CLTCL1: variants seen among roughly 807,000 people sequenced by gnomAD.
CLTCL1 encodes the protein clathrin heavy chain 2.
A neutral mutation model predicts 190.0 loss-of-function variants in CLTCL1; 159 were observed. That is an observed-to-expected ratio of 0.84 (90% CI 0.74 to 0.95). The LOEUF is 0.95. Among genes scored for constraint, CLTCL1 ranks in the 40% least tolerant of loss-of-function variants. The pLI, the probability that CLTCL1 is intolerant of heterozygous loss-of-function variation, is 0.00. For synonymous variants in CLTCL1, 752 were observed against 769.6 expected (o/e 0.98, Z 0.38); for missense variants, 1,878 against 2,033.4 (o/e 0.92, Z 1.47).
chr22:19,282,588 C>T (rs1191845782), intron 1 of CLTCL1, among the ~76,000 whole-genome samples: 1 of 150,676 alleles, frequency 6.6e-6, no homozygotes, highest in African/African-American at 2.4e-5. Flanking sequence ...AGGATCACTC[C>T]ACTGCACTCC....
chr22:19,201,258 GCAGAACGCAAAGGA>G (rs1262892212), intron 23 of CLTCL1, 57 bp downstream of exon 23: 1 of 1,501,610 alleles, frequency 6.7e-7, no homozygotes, highest in East Asian at 2.5e-5. Context: ...AGAGTACCGA[GCAGAACGCAAAGGA>G]CACGGAGAGC....
chr22:19,291,134 T>G (rs1555993176), intron 1 of CLTCL1, among the ~76,000 whole-genome samples: 2 of 152,138 alleles, frequency 1.3e-5, no homozygotes, highest in African/African-American at 4.8e-5. Flanking sequence ...CCTGAGAAAT[T>G]TTTCTCTTGG....
At chr22:19,272,443 A>AT (rs1289550881) in intron 2 of CLTCL1, among the ~76,000 whole-genome samples, 4 of 151,444 alleles carry the variant, frequency 2.6e-5, no homozygotes, top group South Asian at 2.1e-4. Flanking sequence ...GTCCCTTTTA[A>AT]TTTTTTTTTG....
intron 1 of CLTCL1, among the ~76,000 whole-genome samples, chr22:19,282,148 G>A (rs1436010692): frequency 6.6e-6 from 1 of 152,024 alleles, no homozygotes; most frequent in Non-Finnish European, 1.5e-5. Context: ...GGCCAATATG[G>A]TGAAACCCCG....
At chr22:19,210,620 T>C (rs184712750) in intron 19 of CLTCL1, 111 bp from the exon 20 acceptor site, 3 of 729,750 alleles carry the variant, frequency 4.1e-6, no homozygotes, top group Non-Finnish European at 6.6e-6. Context: ...AAGTAATTAA[T>C]ATACACACAC....
chr22:19,216,956 C>G (rs9989954), intron 18 of CLTCL1, among the ~76,000 whole-genome samples: 9 of 152,182 alleles, frequency 5.9e-5, no homozygotes, highest in African/African-American at 2.2e-4. Flanking sequence ...GGGTGGGCAA[C>G]AGCCGTGTAT....
chr22:19,220,594 T>G (rs2085535957), intron 17 of CLTCL1, among the ~76,000 whole-genome samples: 1 of 152,228 alleles, frequency 6.6e-6, no homozygotes, highest in Non-Finnish European at 1.5e-5. Context: ...TGTTCTAGCG[T>G]GTGCAGCACT....
intron 3 of CLTCL1, chr22:19,249,966 TA>T: frequency 2.5e-6 from 1 of 398,122 alleles, no homozygotes; most frequent in Non-Finnish European, 5.0e-6. Context: ...TGAATACAAA[TA>T]AATGGGCCGG....
chr22:19,183,104 T>C (rs2084195410), intron 30 of CLTCL1: 1 of 414,460 alleles, frequency 2.4e-6, no homozygotes, highest in African/African-American at 2.0e-5. Flanking sequence ...GCACGCCTGT[T>C]GTGCTCCTAG....
rs1555944840 is a variant in CLTCL1, at chr22:19,209,015, G to A, written c.3349C>T (p.Gln1117Ter). The change falls in exon 21 of 33, where the codon CAG becomes TAG. Residue 1117 changes from glutamine to a stop codon, truncating the protein, a stop_gained. Transcript: ENST00000427926. LOFTEE classifies it high-confidence loss of function. ...VWSQLAQAQL[Q>*]KDLVKEAINS... ...ATGGCTTCCTTCACCAAATCTTTCT[G>A]GAGCTGGGCTTGGGCCAGCTGACTC... 6.2e-7 allele frequency: 1 copy of A among 1,611,422 alleles called. No homozygotes were observed. Among genetic ancestry groups the A allele is most frequent in the African/African-American group, 1.3e-5 (1 of 74,886 alleles).
intron 29 of CLTCL1, 41 bp from the exon 30 acceptor site, chr22:19,183,652 AGAGGC>A (rs1555926964): frequency 3.9e-5 from 63 of 1,602,010 alleles, no homozygotes; most frequent in Non-Finnish European, 5.0e-5. Flanking sequence ...TCCTGCAGGC[AGAGGC>A]TTTGTGCCTG....
At position 19,183,379 on chromosome 22, in the gene CLTCL1, C is replaced by T; in HGVS notation, c.4827+11G>A. The stretch of plus-strand genomic sequence containing the variant: ...CAGGGGCCGGGGAGCTGCAGCCGGC[C>T]CGGCACCTACCTTGCTCAGGTACTC... On this transcript the variant is annotated intron_variant, in intron 30 of 32. Transcript: ENST00000427926. 2 of 1,611,116 alleles carry T rather than the reference C, an allele frequency of 1.2e-6. No homozygotes were observed. The highest frequency in any genetic ancestry group is 2.2e-5 in the East Asian group (1 of 44,816).
chr22:19,215,851 G>C lies in CLTCL1; in HGVS notation c.3065+260C>G, dbSNP rs5748047. On this transcript the variant is annotated intron_variant, in intron 19 of 32. Coordinates refer to ENST00000427926, the MANE Select transcript of CLTCL1 (RefSeq NM_007098.4). Reference sequence around the variant, plus strand: ...CCCTTTCTCTGAGCATTGTGTTAAAGGACAGTGTGGGCCAGAGCAGTAAGA... The same window carrying C: ...CCCTTTCTCTGAGCATTGTGTTAAACGACAGTGTGGGCCAGAGCAGTAAGA... Among the ~76,000 whole-genome samples, 1,428 of 152,288 alleles carry C rather than the reference G, an allele frequency of 9.4e-3. 34 individuals carry two copies. Among genetic ancestry groups the C allele is most frequent in the East Asian group, 0.068 (355 of 5,186 alleles).
At chr22:19,279,770 T>C (rs1263004780) in intron 1 of CLTCL1, among the ~76,000 whole-genome samples, 1 of 152,264 alleles carries the variant, frequency 6.6e-6, no homozygotes, top group Admixed American at 6.5e-5. Flanking sequence ...GTTATTCATA[T>C]TTACTTAATC....
intron 26 of CLTCL1, among the ~76,000 whole-genome samples, chr22:19,194,074 T>G (rs2084612683): frequency 6.6e-6 from 1 of 152,144 alleles, no homozygotes; most frequent in South Asian, 2.1e-4. Context: ...TTCTACAGAG[T>G]GCTGATTGGC....
rs563163831 is a variant in CLTCL1, at chr22:19,220,024, CAT to C, written c.2797-19_2797-18del. The C allele has an allele frequency of 1.3e-4, 213 of 1,613,822 alleles. 1 individual carries two copies. The African/African-American group carries it at 2.1e-3, about 16-fold the overall frequency. The stretch of plus-strand genomic sequence containing the variant: ...ATTGCACACCTGAAATGAGCACACT[CAT>C]GTGTGTGACACAGCAGCCAACCAGC... On this transcript the variant is annotated intron_variant, in intron 17 of 32. Transcript: ENST00000427926.
At chr22:19,289,954 T>C (rs2088049577) in intron 1 of CLTCL1, among the ~76,000 whole-genome samples, 1 of 152,296 alleles carries the variant, frequency 6.6e-6, no homozygotes, top group South Asian at 2.1e-4. Context: ...GTGAAGGCAG[T>C]GTGTGCTGAC....
intron 1 of CLTCL1, among the ~76,000 whole-genome samples, chr22:19,278,940 C>G (rs1468847417): frequency 6.6e-6 from 1 of 152,056 alleles, no homozygotes; most frequent in East Asian, 1.9e-4. Context: ...CGGGGTTTCA[C>G]CATGTTGGCC....
intron 1 of CLTCL1, among the ~76,000 whole-genome samples, chr22:19,283,290 C>G: frequency 6.7e-6 from 1 of 149,736 alleles, no homozygotes; most frequent in East Asian, 2.0e-4. Flanking sequence ...TTCTTTTTTT[C>G]TTTCTTTTGA....
Sources: gnomAD v4.1 joint callset for allele counts (sites outside exome capture counted in the v4.1 genomes callset) on GRCh38, gnomAD v4.1.1 for gene constraint, MANE v1.5 for transcripts, NCBI Gene and HGNC (gene_info 2026-07-23, HGNC 2026-07-21) for gene names.